Variants in PLXNA2 observed in about 807,000 individuals in gnomAD.
PLXNA2 encodes the protein plexin-A2.
In PLXNA2, 91 loss-of-function variants were observed where a neutral mutation model predicts 193.5. The observed-to-expected ratio is 0.47, with a 90% CI of 0.40 to 0.56. The LOEUF (loss-of-function observed/expected upper bound fraction) is 0.56. PLXNA2 is among the 20% of genes least tolerant of loss of function. PLXNA2 has a pLI of 0.00. For missense variants in PLXNA2, 1,995 were observed against 2,503.2 expected (o/e 0.80, Z 4.33); for synonymous variants, 997 against 1,027.3 (o/e 0.97, Z 0.56).
chr1:208,101,947 G>C (rs192844043), intron 5 of PLXNA2, among the ~76,000 whole-genome samples: 1 of 152,222 alleles, frequency 6.6e-6, no homozygotes, highest in Non-Finnish European at 1.5e-5. Context: ...GCTGGCTGGT[G>C]GGTCAGCCTC....
At chr1:208,092,410 A>G in intron 9 of PLXNA2, among the ~76,000 whole-genome samples, 1 of 152,250 alleles carries the variant, frequency 6.6e-6, no homozygotes, top group East Asian at 1.9e-4. Context: ...CTATTGAACT[A>G]GACTATGTCT....
rs1447775774 is a variant in PLXNA2, at chr1:208,023,360, C to T, written c.*3883G>A. 3.3e-5 allele frequency: 5 copies of T among 152,706 alleles called. No homozygotes were observed. The highest frequency in any genetic ancestry group is 1.2e-4 in the African/African-American group (5 of 41,444). The allele number at this position is 152,706 out of a possible 1,614,324, so 9.5% of individuals were successfully genotyped here. A position where few individuals can be genotyped will look rare whatever the true frequency, so the allele number is the denominator to read the frequency against. Reference sequence around the variant, plus strand: ...GGCAGGCGTGGCAACCGGGATGCACCTGGAGATTTATCAGCCAGAAGCTTT... The same window carrying T: ...GGCAGGCGTGGCAACCGGGATGCACTTGGAGATTTATCAGCCAGAAGCTTT... On this transcript the variant is annotated 3_prime_UTR_variant, in exon 32 of 32. Coordinates refer to ENST00000367033, the MANE Select transcript of PLXNA2 (RefSeq NM_025179.4).
chr1:208,088,617 GC>G lies in PLXNA2; in HGVS notation c.2098-4038del, dbSNP rs562077420. On this transcript the variant is annotated intron_variant, in intron 9 of 31. Coordinates refer to ENST00000367033, the MANE Select transcript of PLXNA2 (RefSeq NM_025179.4). ...ACTCAGGGAGGAAGAGATTTGGGGGGCCCCCATCAGAGATCTGCTGTGCTCT... is the reference window on the plus strand; with the variant it reads ...ACTCAGGGAGGAAGAGATTTGGGGGGCCCCATCAGAGATCTGCTGTGCTCT... Among the ~76,000 whole-genome samples, 200 of 152,318 alleles carry G rather than the reference GC, an allele frequency of 1.3e-3. 2 individuals are homozygous for G. Among genetic ancestry groups the G allele is most frequent in the African/African-American group, 4.6e-3 (193 of 41,578 alleles).
chr1:208,062,949 G>C (rs781177793), intron 12 of PLXNA2, among the ~76,000 whole-genome samples: 2 of 152,084 alleles, frequency 1.3e-5, no homozygotes, highest in Non-Finnish European at 2.9e-5. Flanking sequence ...AAATGGAAAG[G>C]GCTGCTTCCT....
At chr1:208,222,811 T>G (rs3748737) in intron 1 of PLXNA2, among the ~76,000 whole-genome samples, 1 of 152,054 alleles carries the variant, frequency 6.6e-6, no homozygotes, top group South Asian at 2.1e-4. Flanking sequence ...AAATACGATT[T>G]TGCCAAATTG....
chr1:208,138,634 C>T (rs1668373191), intron 4 of PLXNA2, among the ~76,000 whole-genome samples: 1 of 152,250 alleles, frequency 6.6e-6, no homozygotes, highest in Admixed American at 6.5e-5. Flanking sequence ...CTTGTAATCC[C>T]AGGACTTTGG....
rs931209286 is a variant in PLXNA2 at position 208,244,345 on chromosome 1, T to C, written c.-783A>G. ...GGCGGCGGCGGCGGCGGAGGAGCCC[T>C]GAGCGCCGGCCTCCCTATTTCACCA... On this transcript the variant is annotated 5_prime_UTR_variant, in exon 1 of 32. Transcript: ENST00000367033. The C allele has an allele frequency of 5.0e-6, 1 of 198,984 alleles. No homozygotes were observed. Among genetic ancestry groups the C allele is most frequent in the Non-Finnish European group, 9.8e-6 (1 of 101,958 alleles). The allele number at this position is 198,984 out of a possible 1,614,324, so 12.3% of individuals were successfully genotyped here. A position where few individuals can be genotyped will look rare whatever the true frequency, so the allele number is the denominator to read the frequency against.
intron 17 of PLXNA2, among the ~76,000 whole-genome samples, chr1:208,049,101 C>A (rs1385189545): frequency 1.3e-5 from 2 of 152,128 alleles, no homozygotes; most frequent in Non-Finnish European, 2.9e-5. Context: ...TTCCTTCCTG[C>A]AGAAACCACA....
chr1:208,241,497 C>T (rs1468011321), intron 1 of PLXNA2, among the ~76,000 whole-genome samples: 1 of 152,190 alleles, frequency 6.6e-6, no homozygotes, highest in African/African-American at 2.4e-5. Flanking sequence ...CTGCTCCAGG[C>T]TTTGAGGGAC....
intron 1 of PLXNA2, among the ~76,000 whole-genome samples, chr1:208,231,931 T>G (rs946130346): frequency 2.6e-5 from 4 of 152,240 alleles, no homozygotes; most frequent in African/African-American, 9.6e-5. Context: ...TGCCTGCACA[T>G]AAGCAATACT....
At chr1:208,150,044 G>A (rs1334813811) in intron 3 of PLXNA2, among the ~76,000 whole-genome samples, 1 of 152,188 alleles carries the variant, frequency 6.6e-6, no homozygotes, top group Non-Finnish European at 1.5e-5. Context: ...GGACGGGGAC[G>A]CAGGAGCCTG....
intron 4 of PLXNA2, among the ~76,000 whole-genome samples, chr1:208,137,163 C>G (rs1172937395): frequency 6.6e-6 from 1 of 152,198 alleles, no homozygotes; most frequent in East Asian, 1.9e-4. Flanking sequence ...TCCAAACACA[C>G]ACACCCATCA....
chr1:208,207,957 C>A (rs972694047), intron 3 of PLXNA2, among the ~76,000 whole-genome samples: 4 of 152,232 alleles, frequency 2.6e-5, no homozygotes, highest in African/African-American at 9.6e-5. Context: ...TAACCACGCC[C>A]CCAGCTTTGC....
Position 208,051,055 on chromosome 1 carries a change from T to C in PLXNA2, c.3209A>G (p.Gln1070Arg). The C allele has an allele frequency of 6.2e-7, 1 of 1,614,150 alleles. No homozygotes were observed. Among genetic ancestry groups the C allele is most frequent in the South Asian group, 1.1e-5 (1 of 91,074 alleles). The change falls in exon 17 of 32, where the codon CAG becomes CGG. Residue 1070 changes from glutamine (Q) to arginine (R), a missense_variant. Transcript: ENST00000367033. ...TITGFNLDVIQEPRIRVKFNG... is the reference protein window; with the variant it reads ...TITGFNLDVIREPRIRVKFNG... ...GAATTTGACTCGGATCCTTGGCTCC[T>C]GAATGACATCCAGGTTGAAGCCTGT...
chr1:208,217,029 G>A lies in PLXNA2; in HGVS notation c.894C>T (p.Phe298=), dbSNP rs555400028. The change falls in exon 2 of 32, where the codon TTC becomes TTT. Residue 298 remains phenylalanine (F), a synonymous_variant. Coordinates refer to ENST00000367033, the MANE Select transcript of PLXNA2 (RefSeq NM_025179.4). The surrounding 1 kb of genome is among the most constrained non-coding windows in gnomAD (Gnocchi z 4.7). Reference sequence around the variant, plus strand: ...ATTCCACCCCGGCCCGGGTGCAGCCGAAGGGCAGGGACACGTATGAGTGGA... The same window carrying A: ...ATTCCACCCCGGCCCGGGTGCAGCCAAAGGGCAGGGACACGTATGAGTGGA... ...PKFHSYVSLP[F]GCTRAGVEYR... 1.6e-5 allele frequency: 26 copies of A among 1,611,960 alleles called. No homozygotes were observed. The Admixed American group carries it at 2.0e-4, about 12-fold the overall frequency.
At chr1:208,197,588 T>A (rs1670401480) in intron 3 of PLXNA2, among the ~76,000 whole-genome samples, 1 of 152,208 alleles carries the variant, frequency 6.6e-6, no homozygotes, top group Non-Finnish European at 1.5e-5. Context: ...TGCCCAATCA[T>A]CCACCTAGAA....
At chr1:208,231,090 G>T (rs1443997542) in intron 1 of PLXNA2, among the ~76,000 whole-genome samples, 2 of 152,176 alleles carry the variant, frequency 1.3e-5, no homozygotes, top group African/African-American at 4.8e-5. Flanking sequence ...CCCTTGAGGC[G>T]CTATCAGCCC....
intron 3 of PLXNA2, among the ~76,000 whole-genome samples, chr1:208,200,029 A>G (rs187052549): frequency 6.6e-6 from 1 of 152,240 alleles, no homozygotes; most frequent in Admixed American, 6.5e-5. Context: ...CTTCCCCTCA[A>G]TTGTCAAGCG....
chr1:208,151,903 A>C (rs1401602026), intron 3 of PLXNA2, among the ~76,000 whole-genome samples: 1 of 152,212 alleles, frequency 6.6e-6, no homozygotes, highest in Non-Finnish European at 1.5e-5. Context: ...ATTAGGACTA[A>C]AAACTACATT....
Sources: gnomAD v4.1 joint callset for allele counts (sites outside exome capture counted in the v4.1 genomes callset) on GRCh38, gnomAD v4.1.1 for gene constraint, Gnocchi (gnomAD v3.1) non-coding constraint, MANE v1.5 for transcripts, NCBI Gene and HGNC (gene_info 2026-07-23, HGNC 2026-07-21) for gene names.